RASGRP3: variants seen among roughly 807,000 people sequenced by gnomAD.
RASGRP3 encodes ras guanyl-releasing protein 3.
A neutral mutation model predicts 82.7 loss-of-function variants in RASGRP3; 54 were observed. The ratio of observed to expected loss-of-function variants is 0.65; its 90% CI spans 0.52 to 0.82. The LOEUF is 0.82. RASGRP3 is among the 40% of genes least tolerant of loss of function. The pLI, the probability that RASGRP3 is intolerant of heterozygous loss-of-function variation, is 0.00. For missense variants in RASGRP3, 861 were observed against 828.9 expected, an observed-to-expected ratio of 1.04 and a Z score of -0.48; for synonymous variants, 309 against 300.5, an observed-to-expected ratio of 1.03 and a Z score of -0.29.
At chr2:33,534,610 C>A (rs977101911) in intron 11 of RASGRP3, among the ~76,000 whole-genome samples, 1 of 151,952 alleles carries the variant, frequency 6.6e-6, no homozygotes, top group Non-Finnish European at 1.5e-5. Context: ...CTCACTGAAA[C>A]CTCCGCCTCC....
intron 2 of RASGRP3, among the ~76,000 whole-genome samples, chr2:33,450,767 C>T (rs1665739867): frequency 7.9e-6 from 1 of 126,968 alleles, no homozygotes; most frequent in Admixed American, 8.2e-5. Flanking sequence ...TATGATAGTT[C>T]TATTTTAAAT....
chr2:33,515,663 G>A (rs1025749466), intron 3 of RASGRP3, among the ~76,000 whole-genome samples: 24 of 152,170 alleles, frequency 1.6e-4, no homozygotes, highest in Admixed American at 3.9e-4. Context: ...TCAGACGAAT[G>A]TGAGTAGCAC....
At chr2:33,511,463 G>A (rs1670917582) in intron 1 of RASGRP3, among the ~76,000 whole-genome samples, 1 of 152,072 alleles carries the variant, frequency 6.6e-6, no homozygotes, top group African/African-American at 2.4e-5. Flanking sequence ...TATAGAACTT[G>A]GTTTTGTTGC....
chr2:33,443,460 A>T (rs1007756303), intron 1 of RASGRP3, among the ~76,000 whole-genome samples: 1 of 152,128 alleles, frequency 6.6e-6, no homozygotes, highest in African/African-American at 2.4e-5. Context: ...GAAACTAAAC[A>T]TGTGTGGGCT....
At chr2:33,525,119 A>T (rs1672414613) in intron 9 of RASGRP3, among the ~76,000 whole-genome samples, 1 of 151,246 alleles carries the variant, frequency 6.6e-6, no homozygotes, top group African/African-American at 2.4e-5. Flanking sequence ...AAAACTCAAC[A>T]TATTGTAGTG....
chr2:33,447,569 G>A (rs1461065785), intron 1 of RASGRP3, among the ~76,000 whole-genome samples: 1 of 151,960 alleles, frequency 6.6e-6, no homozygotes, highest in Non-Finnish European at 1.5e-5. Context: ...CTGAGTACCT[G>A]TGATTACAGG....
upstream of RASGRP3, among the ~76,000 whole-genome samples, chr2:33,474,235 G>A (rs1176721794): frequency 6.6e-6 from 1 of 152,170 alleles, no homozygotes; most frequent in Non-Finnish European, 1.5e-5. Flanking sequence ...TGTTGGAGGT[G>A]GAGCCTGGTG....
chr2:33,436,805 C>G (rs910107929), intron 1 of RASGRP3, among the ~76,000 whole-genome samples: 4 of 152,080 alleles, frequency 2.6e-5, no homozygotes, highest in Non-Finnish European at 5.9e-5. Context: ...TGTTTCTTGA[C>G]AATAACTTTA....
chr2:33,504,645 C>T (rs941955763), intron 1 of RASGRP3, among the ~76,000 whole-genome samples: 1 of 152,190 alleles, frequency 6.6e-6, no homozygotes, highest in African/African-American at 2.4e-5. Flanking sequence ...CAGTCAGCTT[C>T]CACTCCCAGC....
At chr2:33,506,577 A>G (rs572358291) in intron 1 of RASGRP3, among the ~76,000 whole-genome samples, 85 of 152,336 alleles carry the variant, frequency 5.6e-4, no homozygotes, top group African/African-American at 1.9e-3. Flanking sequence ...AATCCAGGAC[A>G]ATGTTGATTA....
chr2:33,473,197 T>C (rs1420622899), upstream of RASGRP3, among the ~76,000 whole-genome samples: 3 of 152,080 alleles, frequency 2.0e-5, no homozygotes, highest in Non-Finnish European at 4.4e-5. Context: ...CCCATGTTAC[T>C]ACTAAAAATA....
intron 1 of RASGRP3, among the ~76,000 whole-genome samples, chr2:33,440,568 C>A (rs1299268547): frequency 6.6e-6 from 1 of 152,210 alleles, no homozygotes; most frequent in African/African-American, 2.4e-5. Context: ...GGTTCCAGGT[C>A]TTCTATTGTT....
intron 10 of RASGRP3, chr2:33,533,649 G>A (rs1273518887): frequency 6.6e-6 from 1 of 152,172 alleles, no homozygotes; most frequent in Non-Finnish European, 1.5e-5. Flanking sequence ...CCAGTGGCAG[G>A]CTGCATGCTT....
intron 1 of RASGRP3, among the ~76,000 whole-genome samples, chr2:33,491,369 A>T (rs1668828981): frequency 6.6e-6 from 1 of 152,188 alleles, no homozygotes; most frequent in African/African-American, 2.4e-5. Flanking sequence ...AGAAAAAAAA[A>T]AGAAACAAGA....
intron 2 of RASGRP3, chr2:33,513,995 G>A (rs939288878): frequency 6.6e-6 from 1 of 152,146 alleles, no homozygotes; most frequent in Non-Finnish European, 1.5e-5. Flanking sequence ...CCTGACTCTA[G>A]GCCTTAATAA....
rs2151028231 is a variant in RASGRP3 at position 33,523,865 on chromosome 2, T to C, written c.517-14T>C. 6.3e-7 allele frequency: 1 copy of C among 1,596,282 alleles called. No individual in the cohort carries two copies. The highest frequency in any genetic ancestry group is 2.2e-5 in the East Asian group (1 of 44,602). ...TCTATTATAATTCAGAGTCTCTGAA[T>C]CTTCCTTTCCTAGTTCACTGATTAC... On this transcript the variant is annotated splice_polypyrimidine_tract_variant and intron_variant, in intron 7 of 17. Coordinates refer to ENST00000403687, the MANE Select transcript of RASGRP3 (RefSeq NM_001139488.2).
rs1672281658 is a variant in RASGRP3, at chr2:33,523,988, T to C, written c.626T>C (p.Val209Ala). ...ATCTCTAAGTGGGTCCAGTTGATGG[T>C]TCTTAGCAAACCAACCCCCCAGCAA... is the stretch of plus-strand genomic sequence containing the variant. Reference protein sequence around the residue: ...NGISKWVQLMVLSKPTPQQRA... With the variant: ...NGISKWVQLMALSKPTPQQRA... The change falls in exon 8 of 18, where the codon GTT becomes GCT. Residue 209 changes from valine (V) to alanine (A), a missense_variant. Physicochemically the swap from Val to Ala is moderately conservative, Grantham distance 64 (BLOSUM62 0). Transcript: ENST00000403687. The C allele has an allele frequency of 1.2e-6, 2 of 1,613,982 alleles. No homozygotes were observed. Among genetic ancestry groups the C allele is most frequent in the South Asian group, 2.2e-5 (2 of 91,086 alleles).
At chr2:33,525,727 A>AAAAAAAG (rs1672493898) in intron 9 of RASGRP3, among the ~76,000 whole-genome samples, 1 of 128,218 alleles carries the variant, frequency 7.8e-6, no homozygotes, top group Non-Finnish European at 1.6e-5. Flanking sequence ...AAAAAAAAAA[A>AAAAAAAG]CTAGCCAGGT....
At chr2:33,550,500 T>C (rs1005843473) in intron 14 of RASGRP3, among the ~76,000 whole-genome samples, 12 of 152,202 alleles carry the variant, frequency 7.9e-5, no homozygotes, top group African/African-American at 1.4e-4. Context: ...TGATAATTCT[T>C]TGGGAACCAA....
Sources: allele counts gnomAD v4.1 joint callset (sites outside exome capture counted in the v4.1 genomes callset), GRCh38; gene constraint gnomAD v4.1.1; transcripts MANE v1.5; gene names NCBI Gene and HGNC (gene_info 2026-07-23, HGNC 2026-07-21).